The following MAML2 variants were observed in gnomAD, a reference collection of about 807,000 sequenced individuals.
The protein encoded by MAML2 is mastermind like transcriptional coactivator 2.
A neutral mutation model predicts 96.1 loss-of-function variants in MAML2; 22 were observed. The ratio of observed to expected loss-of-function variants is 0.23; its 90% confidence interval spans 0.16 to 0.33. The LOEUF is 0.33. MAML2 is among the 10% of genes least tolerant of loss of function. MAML2 has a pLI of 1.00. For missense variants in MAML2, 1,367 were observed against 1,392.4 expected, an observed-to-expected ratio of 0.98 and a Z score of 0.29; for synonymous variants, 561 against 521.3, an observed-to-expected ratio of 1.08 and a Z score of -1.04.
chr11:96,035,622 G>A (rs768594764), intron 2 of MAML2, among the ~76,000 whole-genome samples: 2 of 152,222 alleles, frequency 1.3e-5, no homozygotes, highest in African/African-American at 2.4e-5. Context: ...AAGAGATCAT[G>A]AGATCTCAGA....
At chr11:96,253,942 G>A (rs1027934350) in intron 1 of MAML2, among the ~76,000 whole-genome samples, 2 of 152,108 alleles carry the variant, frequency 1.3e-5, no homozygotes, top group African/African-American at 4.8e-5. Context: ...TTCTCATTAT[G>A]GCACTATCAG....
rs1426468391 is a variant in MAML2 at position 96,130,796 on chromosome 11, G to A, written c.514-37279C>T. Among the ~76,000 whole-genome samples, 6 of 148,498 alleles carry A rather than the reference G, an allele frequency of 4.0e-5. No homozygotes were observed. The East Asian group carries it at 5.9e-4, about 15-fold the overall frequency. On this transcript the variant is annotated intron_variant, in intron 1 of 4. Transcript: ENST00000524717. ...TTTTTTTTTTTTTAGTAATTAAAAC[G>A]TTATTTTCTTTTCTTTAAAAAATGG...
chr11:96,234,217 C>T (rs964815236), intron 1 of MAML2, among the ~76,000 whole-genome samples: 1 of 152,176 alleles, frequency 6.6e-6, no homozygotes, highest in Non-Finnish European at 1.5e-5. Context: ...CATGGTGGCT[C>T]ACACCTGTAA....
intron 1 of MAML2, among the ~76,000 whole-genome samples, chr11:96,234,256 C>A (rs556905621): frequency 6.6e-6 from 1 of 152,076 alleles, no homozygotes; most frequent in African/African-American, 2.4e-5. Context: ...CCAAGGCGGG[C>A]GGGTCACCTA....
chr11:96,277,613 G>T (rs1054734994), intron 1 of MAML2, among the ~76,000 whole-genome samples: 1 of 151,798 alleles, frequency 6.6e-6, no homozygotes, highest in Non-Finnish European at 1.5e-5. Context: ...TTAGCAGGGC[G>T]TGGTAGCAAG....
chr11:96,326,387 GCA>G (rs1863781479), intron 1 of MAML2, among the ~76,000 whole-genome samples: 1 of 140,510 alleles, frequency 7.1e-6, no homozygotes, highest in African/African-American at 2.9e-5. Flanking sequence ...GTGTGTGTGT[GCA>G]TGTATGTGTG....
chr11:96,332,760 CA>C (rs1177766782), intron 1 of MAML2, among the ~76,000 whole-genome samples: 2 of 152,144 alleles, frequency 1.3e-5, no homozygotes, highest in South Asian at 2.1e-4. Flanking sequence ...TCAACAACAA[CA>C]AAAAATCCTC....
chr11:96,286,554 G>C (rs1275745102), intron 1 of MAML2, among the ~76,000 whole-genome samples: 1 of 151,352 alleles, frequency 6.6e-6, no homozygotes. Context: ...GTTAGTATTA[G>C]TATATAAGAA....
At chr11:96,114,051 T>C (rs1860182319) in intron 1 of MAML2, among the ~76,000 whole-genome samples, 1 of 152,162 alleles carries the variant, frequency 6.6e-6, no homozygotes, top group African/African-American at 2.4e-5. Context: ...AAACAGGCCT[T>C]GGTTTTTTAA....
intron 1 of MAML2, among the ~76,000 whole-genome samples, chr11:96,299,509 C>T (rs1320782748): frequency 1.3e-5 from 2 of 152,086 alleles, no homozygotes; most frequent in African/African-American, 2.4e-5. Context: ...AGACTCTCCA[C>T]CTCAGGGTTT....
chr11:96,084,217 G>A (rs760839340), intron 2 of MAML2, among the ~76,000 whole-genome samples: 3 of 152,064 alleles, frequency 2.0e-5, no homozygotes, highest in South Asian at 2.1e-4. Flanking sequence ...TGGAGACTTC[G>A]GCAGGATTCA....
In MAML2 at chr11:96,251,377, TTAGA is replaced by T. The variant is rs1319279208; in HGVS notation, c.513+90002_513+90005del. On this transcript the variant is annotated intron_variant, in intron 1 of 4. Transcript: ENST00000524717. Reference sequence around the variant, plus strand: ...TTTTTTCTCTAAGGTATTGGGATAATTAGATAGGTAGGCCTGAGTTTTAATTATG... The same window carrying T: ...TTTTTTCTCTAAGGTATTGGGATAATTAGGTAGGCCTGAGTTTTAATTATG... Among the ~76,000 whole-genome samples, 10 of 152,362 alleles carry T rather than the reference TTAGA, an allele frequency of 6.6e-5. No individual in the cohort carries two copies. The East Asian group carries it at 9.6e-4, about 15-fold the overall frequency.
chr11:96,266,618 C>G (rs966144506), intron 1 of MAML2, among the ~76,000 whole-genome samples: 2 of 152,006 alleles, frequency 1.3e-5, no homozygotes, highest in Non-Finnish European at 2.9e-5. Flanking sequence ...CTGAGCTTCA[C>G]TGACAAAGTG....
At chr11:96,335,717 C>T (rs1863912659) in intron 1 of MAML2, among the ~76,000 whole-genome samples, 1 of 152,134 alleles carries the variant, frequency 6.6e-6, no homozygotes, top group Admixed American at 6.5e-5. Context: ...TCCTTGGAGC[C>T]GTCCTTGCTC....
chr11:96,285,716 T>C (rs1450306464), intron 1 of MAML2, among the ~76,000 whole-genome samples: 13 of 151,840 alleles, frequency 8.6e-5, no homozygotes, highest in Admixed American at 7.9e-4. Context: ...AAAACACATA[T>C]GAAAAAAAGC....
At position 95,979,916 on chromosome 11, in the gene MAML2, G is replaced by C; in HGVS notation, c.2503C>G (p.Pro835Ala). The change falls in exon 5 of 5, where the codon CCA (proline) becomes GCA (alanine). Residue 835 changes from proline to alanine, a missense_variant. Pro to Ala is a conservative substitution (Grantham distance 27). Transcript: ENST00000524717. ...SLNSNQALAN[P>A]VSTHTILTPN... ...GTTAAAATGGTGTGTGTTGAAACTG[G>C]GTTTGCCAAAGCCTGGTTAGAGTTT... The C allele has an allele frequency of 1.2e-6, 2 of 1,613,820 alleles. No individual in the cohort carries two copies. Among genetic ancestry groups the C allele is most frequent in the Non-Finnish European group, 1.7e-6 (2 of 1,179,834 alleles).
intron 2 of MAML2, among the ~76,000 whole-genome samples, chr11:96,003,203 A>G: frequency 6.6e-6 from 1 of 152,060 alleles, no homozygotes; most frequent in Admixed American, 6.6e-5. Context: ...GATAAGGATG[A>G]TGGGGATGAT....
intron 1 of MAML2, among the ~76,000 whole-genome samples, chr11:96,240,074 C>T (rs1436766639): frequency 6.6e-6 from 1 of 152,164 alleles, no homozygotes; most frequent in African/African-American, 2.4e-5. Context: ...GCTATTACAG[C>T]ACTTCAATTT....
chr11:96,152,708 T>C (rs1335137893), intron 1 of MAML2, among the ~76,000 whole-genome samples: 1 of 152,196 alleles, frequency 6.6e-6, no homozygotes, highest in Non-Finnish European at 1.5e-5. Context: ...AAACTTGCAA[T>C]GTTTCCAGGC....
Sources: gnomAD v4.1 joint callset for allele counts (sites outside exome capture counted in the v4.1 genomes callset) on GRCh38, gnomAD v4.1.1 for gene constraint, MANE v1.5 for transcripts, NCBI Gene and HGNC (gene_info 2026-07-23, HGNC 2026-07-21) for gene names.